Variants in HIVEP2 observed in about 807,000 individuals in gnomAD.
HIVEP2 encodes HIVEP zinc finger 2, also known as transcription factor HIVEP2.
In HIVEP2, 14 loss-of-function variants were observed where a neutral mutation model predicts 180.7. That is an observed-to-expected ratio of 0.08 (90% confidence interval 0.05 to 0.12). The LOEUF (loss-of-function observed/expected upper bound fraction) is 0.12. Ranked by LOEUF, HIVEP2 falls within the 10% of genes least tolerant of loss-of-function variation. HIVEP2 has a pLI of 1.00. For missense variants in HIVEP2, 2,579 were observed against 3,008.5 expected, an observed-to-expected ratio of 0.86 and a Z score of 3.34; for synonymous variants, 1,184 against 1,136.4, an observed-to-expected ratio of 1.04 and a Z score of -0.84.
chr6:142,787,468 G>T (rs1776030455), intron 2 of HIVEP2, among the ~76,000 whole-genome samples: 1 of 149,746 alleles, frequency 6.7e-6, no homozygotes, highest in Non-Finnish European at 1.5e-5. Flanking sequence ...CAAAAGTAGT[G>T]ACTAAAGATG....
chr6:142,904,288 A>G (rs9390031), intron 1 of HIVEP2, among the ~76,000 whole-genome samples: 10,782 of 152,312 alleles, frequency 0.071, 490 homozygotes, highest in East Asian at 0.17. Flanking sequence ...TCTGTTTTAT[A>G]CATTTACCTT....
chr6:142,940,868 C>A (rs185192117), intron 1 of HIVEP2, among the ~76,000 whole-genome samples: 70 of 152,186 alleles, frequency 4.6e-4, no homozygotes, highest in Non-Finnish European at 5.9e-5. Context: ...ACTCTGTGAC[C>A]CAGAAGTAGC....
chr6:142,926,936 T>G (rs1365549817), intron 1 of HIVEP2, among the ~76,000 whole-genome samples: 1 of 151,926 alleles, frequency 6.6e-6, no homozygotes, highest in Admixed American at 6.6e-5. Flanking sequence ...CGTCATTGCA[T>G]TCATGCTCCC....
rs116840630 is a variant in HIVEP2 at position 142,757,945 on chromosome 6, T to A, written c.6516+1827A>T. On this transcript the variant is annotated intron_variant, in intron 9 of 9. Coordinates refer to ENST00000367603, the MANE Select transcript of HIVEP2 (RefSeq NM_006734.4). ...TTGCAGTTGACTGAACATGCACCAC[T>A]GTTTCACAAATGCCACACTCTCAAT... 4.9e-3 allele frequency among the ~76,000 whole-genome samples: 751 copies of A among 152,322 alleles called. 9 individuals carry two copies. Among genetic ancestry groups the A allele is most frequent in the African/African-American group, 0.017 (719 of 41,562 alleles).
chr6:142,873,579 T>C (rs1033376969), intron 1 of HIVEP2, among the ~76,000 whole-genome samples: 1 of 152,188 alleles, frequency 6.6e-6, no homozygotes, highest in African/African-American at 2.4e-5. Context: ...ATGGAATATA[T>C]GATTATTCTC....
chr6:142,936,692 T>C (rs1382844499), intron 1 of HIVEP2, among the ~76,000 whole-genome samples: 2 of 152,208 alleles, frequency 1.3e-5, no homozygotes, highest in Non-Finnish European at 2.9e-5. Flanking sequence ...CGATGTTTCT[T>C]TGTTATTTGG....
At chr6:142,852,063 TA>T (rs1775694646) in intron 1 of HIVEP2, among the ~76,000 whole-genome samples, 1 of 152,210 alleles carries the variant, frequency 6.6e-6, no homozygotes, top group South Asian at 2.1e-4. Context: ...TACTATAAAG[TA>T]AGGCTAAAAT....
At chr6:142,836,007 T>C (rs1440422096) in intron 2 of HIVEP2, among the ~76,000 whole-genome samples, 1 of 152,210 alleles carries the variant, frequency 6.6e-6, no homozygotes, top group Non-Finnish European at 1.5e-5. Context: ...TCCTCTCTTG[T>C]TCGTTATCAG....
chr6:142,856,378 A>G (rs923463113), intron 1 of HIVEP2, among the ~76,000 whole-genome samples: 2 of 146,658 alleles, frequency 1.4e-5, no homozygotes, highest in South Asian at 2.2e-4. Flanking sequence ...GAAGACTTCA[A>G]TGTACAATAC....
chr6:142,778,303 G>A (rs771160722), intron 3 of HIVEP2, among the ~76,000 whole-genome samples: 1 of 152,088 alleles, frequency 6.6e-6, no homozygotes, highest in Non-Finnish European at 1.5e-5. Flanking sequence ...ATGCTAACAA[G>A]AAGAAGACAC....
At position 142,889,673 on chromosome 6, in the gene HIVEP2, T is replaced by C. The variant is rs535947209; in HGVS notation, c.-640-52626A>G. 2.6e-5 allele frequency among the ~76,000 whole-genome samples: 4 copies of C among 152,308 alleles called. No homozygotes were observed. The South Asian group carries it at 8.3e-4, about 32-fold the overall frequency. ...ATGGCAAATGGAATAACATACACTG[T>C]GTGCCTCCTACAATAGCTGGCACCT... On this transcript the variant is annotated intron_variant, in intron 1 of 9. Transcript: ENST00000367603.
At chr6:142,793,588 T>C (rs568370499) in intron 2 of HIVEP2, among the ~76,000 whole-genome samples, 5 of 152,112 alleles carry the variant, frequency 3.3e-5, no homozygotes, top group Non-Finnish European at 5.9e-5. Flanking sequence ...TTTCTTTCTT[T>C]CTACCTCCCC....
At chr6:142,805,520 C>T (rs1018305844) in intron 2 of HIVEP2, among the ~76,000 whole-genome samples, 1 of 151,642 alleles carries the variant, frequency 6.6e-6, no homozygotes, top group Non-Finnish European at 1.5e-5. Flanking sequence ...AGGAATCCTG[C>T]CTTCCTTTGC....
rs751452135 is a variant in HIVEP2 at position 142,769,910 on chromosome 6, C to T, written c.4829G>A (p.Arg1610His). The change falls in exon 5 of 10, where the codon CGC (arginine) becomes CAC (histidine). Residue 1610 changes from arginine (R) to histidine (H), a missense_variant. Arg to His is a conservative substitution (Grantham distance 29). This residue lies in a region of HIVEP2 where 349 missense variants were observed against 367.2 expected (regional missense o/e 0.95). Coordinates refer to ENST00000367603, the MANE Select transcript of HIVEP2 (RefSeq NM_006734.4). ...GTTCCCGCTGGGGGCAGAGGCCATG[C>T]GGACCAGCATGCCAACAGGCCGCTT... is the stretch of plus-strand genomic sequence containing the variant. Reference protein sequence around the residue: ...GHKRPVGMLVRMASAPSGNVA... With the variant: ...GHKRPVGMLVHMASAPSGNVA... 1.1e-5 allele frequency: 18 copies of T among 1,613,914 alleles called. No homozygotes were observed. The highest frequency in any genetic ancestry group is 3.3e-5 in the Admixed American group (2 of 60,008).
At position 142,862,809 on chromosome 6, in the gene HIVEP2, C is replaced by T. The variant is rs866535339; in HGVS notation, c.-640-25762G>A. Among the ~76,000 whole-genome samples the T allele has an allele frequency of 1.1e-3, 145 of 128,706 alleles. 1 individual carries two copies. The highest frequency in any genetic ancestry group is 9.7e-4 in the South Asian group (4 of 4,128). 84.4% of individuals were successfully genotyped at this position (128,706 alleles called of 152,430 possible). A position where few individuals can be genotyped will look rare whatever the true frequency, so the allele number is the denominator to read the frequency against. On this transcript the variant is annotated intron_variant, in intron 1 of 9. Coordinates refer to ENST00000367603, the MANE Select transcript of HIVEP2 (RefSeq NM_006734.4). ...TATTACATATAATATATTTAGATAT[C>T]ATATATATTTTTATATAATATATAA... is the stretch of plus-strand genomic sequence containing the variant.
Position 142,774,711 on chromosome 6 carries a change from G to T in HIVEP2, c.28C>A (p.Gln10Lys), listed in dbSNP as rs377741221. 28 of 1,614,082 alleles carry T rather than the reference G, an allele frequency of 1.7e-5. No homozygotes were observed. The highest frequency in any genetic ancestry group is 2.1e-5 in the Non-Finnish European group (25 of 1,179,982). MDTGDTALGQKATSRSGETD... is the reference protein window; with the variant it reads MDTGDTALGKKATSRSGETD... ...TCTCCAGACCTTGAGGTAGCTTTTT[G>T]TCCTAGAGCTGTGTCCCCAGTGTCC... Residue 10 changes from glutamine to lysine, a missense_variant, in exon 5 of 10, where the codon CAA (glutamine) becomes AAA (lysine). Gln to Lys is a moderately conservative substitution (Grantham distance 53). Transcript: ENST00000367603. The surrounding 1 kb of genome is among the most constrained non-coding windows in gnomAD (Gnocchi z 5.1).
chr6:142,775,827 C>G (rs1178585518), intron 4 of HIVEP2, among the ~76,000 whole-genome samples: 1 of 81,116 alleles, frequency 1.2e-5, no homozygotes, highest in Non-Finnish European at 2.4e-5. Flanking sequence ...GAGCGAGACT[C>G]CATCTCAAAA....
At chr6:142,924,630 A>G (rs1038736972) in intron 1 of HIVEP2, among the ~76,000 whole-genome samples, 14 of 152,234 alleles carry the variant, frequency 9.2e-5, no homozygotes, top group Admixed American at 7.9e-4. Context: ...CAAAGGCACA[A>G]AATTTTTCTG....
At position 142,753,507 on chromosome 6, in the gene HIVEP2, C is replaced by T; in HGVS notation, c.6941G>A (p.Ser2314Asn). ...LLMKQSTSED[S>N]LNATEREQEE... ...CTGTTCCCGCTCTGTTGCGTTTAGG[C>T]TGTCTTCCGAAGTGCTCTGTTTCAT... Residue 2314 changes from serine (S) to asparagine (N), a missense_variant, in exon 10 of 10, where the codon AGC (serine) becomes AAC (asparagine). This residue lies in a region of HIVEP2 where 660 missense variants were observed against 731.7 expected (regional missense o/e 0.90). Transcript: ENST00000367603. The T allele has an allele frequency of 6.2e-7, 1 of 1,614,134 alleles. No individual in the cohort carries two copies. Among genetic ancestry groups the T allele is most frequent in the Non-Finnish European group, 8.5e-7 (1 of 1,180,034 alleles).
Sources: gnomAD v4.1 joint callset for allele counts (sites outside exome capture counted in the v4.1 genomes callset) on GRCh38, gnomAD v4.1.1 for gene constraint, gnomAD v4.1.1 regional missense constraint, Gnocchi (gnomAD v3.1) non-coding constraint, MANE v1.5 for transcripts, NCBI Gene and HGNC (gene_info 2026-07-23, HGNC 2026-07-21) for gene names.